ZBP1: variants seen among roughly 807,000 people sequenced by gnomAD.
ZBP1 encodes the protein Z-DNA-binding protein 1.
Under a neutral mutation model 41.1 loss-of-function variants are expected in ZBP1, and 42 were observed. The observed-to-expected ratio is 1.02, with a 90% CI of 0.80 to 1.32. ZBP1 has a LOEUF of 1.32. ZBP1 is among the 40% of genes most tolerant of loss of function. The pLI is 0.00. For missense variants in ZBP1, 562 were observed against 549.7 expected (o/e 1.02, Z -0.22); for synonymous variants, 214 against 205.2 (o/e 1.04, Z -0.37).
intron 1 of ZBP1, 60 bp from the exon 2 acceptor site, chr20:57,616,528 GC>G: frequency 6.3e-7 from 1 of 1,593,658 alleles, no homozygotes; most frequent in Non-Finnish European, 8.6e-7. Context: ...CCACAGTTGA[GC>G]CCAGGCTGGA....
At chr20:57,619,646 T>C (rs775326722) in intron 1 of ZBP1, among the ~76,000 whole-genome samples, 2 of 152,142 alleles carry the variant, frequency 1.3e-5, no homozygotes, top group Non-Finnish European at 2.9e-5. Flanking sequence ...GTTCAGACGC[T>C]AACACCAGCG....
chr20:57,620,101 G>T, intron 1 of ZBP1, 161 bp downstream of exon 1: 2 of 814,632 alleles, frequency 2.5e-6, no homozygotes, highest in Non-Finnish European at 4.0e-6. Context: ...CTCCCAAAGT[G>T]CTGGGATTAC....
Position 57,604,739 on chromosome 20 carries a change from C to T in ZBP1, c.1124G>A (p.Ser375Asn). The T allele has an allele frequency of 1.2e-6, 2 of 1,614,092 alleles. No homozygotes were observed. The highest frequency in any genetic ancestry group is 1.7e-6 in the Non-Finnish European group (2 of 1,179,994). ...CTGACCAATGTCTCGAGGAAAGTGACTTCTGGATTGTGTGTCTGCGGGACG... is the reference window on the plus strand; with the variant it reads ...CTGACCAATGTCTCGAGGAAAGTGATTTCTGGATTGTGTGTCTGCGGGACG... The part of the protein sequence containing the change: ...GRRPADTQSR[S>N]HFPRDIGQPI... Residue 375 changes from serine to asparagine, a missense_variant, in exon 8 of 8, where the codon AGT becomes AAT. Physicochemically the swap from Ser to Asn is conservative, Grantham distance 46. Transcript: ENST00000371173.
Position 57,610,071 on chromosome 20 carries a change from T to G in ZBP1, c.1093+78A>C. The G allele has an allele frequency of 1.2e-3, 1,644 of 1,416,474 alleles. No individual in the cohort carries two copies. The highest frequency in any genetic ancestry group is 1.5e-3 in the Non-Finnish European group (1,516 of 1,012,510). The allele number at this position is 1,416,474 out of a possible 1,614,324, so 87.7% of individuals were successfully genotyped here. A position where few individuals can be genotyped will look rare whatever the true frequency, so the allele number is the denominator to read the frequency against. The stretch of plus-strand genomic sequence containing the variant: ...AAACCAGAGATTAGCGAATGATCGA[T>G]GAGAGTGAATGAATGAATGAGTGGA... On this transcript the variant is annotated intron_variant, in intron 7 of 7. Coordinates refer to ENST00000371173, the MANE Select transcript of ZBP1 (RefSeq NM_030776.3). The surrounding 1 kb of genome is among the most constrained non-coding windows in gnomAD (Gnocchi z 5.5).
Position 57,610,510 on chromosome 20 carries a change from C to A in ZBP1, c.875-143G>T, listed in dbSNP as rs559761629. 1 of 762,878 alleles carries A rather than the reference C, an allele frequency of 1.3e-6. No homozygotes were observed. The highest frequency in any genetic ancestry group is 1.7e-5 in the African/African-American group (1 of 57,542). 47.3% of individuals were successfully genotyped at this position (762,878 alleles called of 1,614,324 possible). ...CCCAGGAGCACAGCCTGTGCCTGCCCGCCACACCTCCACCCGCCACACCTC... is the reference window on the plus strand; with the variant it reads ...CCCAGGAGCACAGCCTGTGCCTGCCAGCCACACCTCCACCCGCCACACCTC... On this transcript the variant is annotated intron_variant, in intron 6 of 7. Transcript: ENST00000371173. The surrounding 1 kb of genome is among the most constrained non-coding windows in gnomAD (Gnocchi z 5.5).
At chr20:57,620,080 A>G in intron 1 of ZBP1, 182 bp downstream of exon 1, 2 of 673,870 alleles carry the variant, frequency 3.0e-6, no homozygotes, top group Middle Eastern at 3.0e-4. Context: ...TAAACAGTCC[A>G]CCTACCTCGC....
rs774963938 is a variant in ZBP1 at position 57,615,005 on chromosome 20, G to A, written c.384C>T (p.Ile128=). The change falls in exon 4 of 8, where the codon ATC becomes ATT. Residue 128 remains isoleucine, a synonymous_variant. Coordinates refer to ENST00000371173, the MANE Select transcript of ZBP1 (RefSeq NM_030776.3). The stretch of plus-strand genomic sequence containing the variant: ...CTGTCCTCATTCCCAGTGCTTGGGC[G>A]ATGACCAGGGCCCTCTGGGGACCAT... ...KDNGPQRALV[I]AQALGMRTAK... The A allele has an allele frequency of 1.3e-5, 21 of 1,614,208 alleles. No homozygotes were observed. The South Asian group carries it at 1.6e-4, about 13-fold the overall frequency.
At position 57,614,515 on chromosome 20, in the gene ZBP1, C is replaced by T. The variant is rs550583496; in HGVS notation, c.502+372G>A. Among the ~76,000 whole-genome samples, 10 of 152,264 alleles carry T rather than the reference C, an allele frequency of 6.6e-5. No individual in the cohort carries two copies. In the East Asian group the frequency reaches 1.9e-3, roughly 29 times the overall value. On this transcript the variant is annotated intron_variant, in intron 4 of 7. Transcript: ENST00000371173. ...CCTGGGGCTCCAGCCGGTAGGGGTC[C>T]AAGACTAGTCTTGCCTTCTCTTCTG...
At chr20:57,607,047 C>A in intron 7 of ZBP1, 1 of 1,295,768 alleles carries the variant, frequency 7.7e-7, no homozygotes. Context: ...GGAGTAACTT[C>A]AACATTCACT....
chr20:57,620,082 C>T (rs6064575), intron 1 of ZBP1, 180 bp downstream of exon 1: 1 of 682,184 alleles, frequency 1.5e-6, no homozygotes, highest in South Asian at 1.7e-5. Flanking sequence ...AACAGTCCAC[C>T]TACCTCGCCT....
intron 4 of ZBP1, among the ~76,000 whole-genome samples, chr20:57,614,513 T>C (rs1035908596): frequency 2.6e-5 from 4 of 152,068 alleles, no homozygotes; most frequent in African/African-American, 9.7e-5. Flanking sequence ...CCGGTAGGGG[T>C]CCAAGACTAG....
At chr20:57,616,040 G>A (rs868789806) in intron 2 of ZBP1, 24 of 607,320 alleles carry the variant, frequency 4.0e-5, no homozygotes, top group African/African-American at 1.7e-4. Flanking sequence ...TGAGCCTGAC[G>A]CAGGGCCTCC....
chr20:57,614,830 A>C (rs939072633), intron 4 of ZBP1, 57 bp downstream of exon 4: 1 of 1,600,146 alleles, frequency 6.2e-7, no homozygotes, highest in African/African-American at 1.3e-5. Flanking sequence ...AGCAAAGACC[A>C]AGCACTAGTG....
rs763853056 is a variant in ZBP1 at position 57,615,579 on chromosome 20, G to A, written c.261C>T (p.Ala87=). 6.2e-7 allele frequency: 1 copy of A among 1,612,182 alleles called. No homozygotes were observed. The highest frequency in any genetic ancestry group is 1.1e-5 in the South Asian group (1 of 90,888). ...GPAELALSSP[A]ERPQQHAATI... ...TAGCTGCATGTTGCTGGGGCCTCTC[G>A]GCTGCAGAAAGAAAGATGGGTCAGA... Residue 87 remains alanine, a splice_region_variant and synonymous_variant, in exon 3 of 8, where the codon GCC becomes GCT. Coordinates refer to ENST00000371173, the MANE Select transcript of ZBP1 (RefSeq NM_030776.3).
chr20:57,613,461 C>T lies in ZBP1; in HGVS notation c.503-131G>A. ...CCTGGGCGTTCCGAGTCAGTAGGGC[C>T]AAGTGGGAGGCCAGAGCTGGGTGTT... is the stretch of plus-strand genomic sequence containing the variant. On this transcript the variant is annotated intron_variant, in intron 4 of 7. Transcript: ENST00000371173. The surrounding 1 kb of genome is among the most constrained non-coding windows in gnomAD (Gnocchi z 4.5). 1.0e-6 allele frequency: 1 copy of T among 958,304 alleles called. No individual in the cohort carries two copies. The highest frequency in any genetic ancestry group is 1.6e-6 in the Non-Finnish European group (1 of 629,972). The allele number at this position is 958,304 out of a possible 1,614,324, so 59.4% of individuals were successfully genotyped here.
chr20:57,604,271 A>G lies in ZBP1; in HGVS notation c.*302T>C. 1.9e-6 allele frequency: 1 copy of G among 531,580 alleles called. No individual in the cohort carries two copies. Among genetic ancestry groups the G allele is most frequent in the South Asian group, 1.6e-5 (1 of 61,556 alleles). 32.9% of individuals were successfully genotyped at this position (531,580 alleles called of 1,614,324 possible). On this transcript the variant is annotated 3_prime_UTR_variant, in exon 8 of 8. Coordinates refer to ENST00000371173, the MANE Select transcript of ZBP1 (RefSeq NM_030776.3). ...AACTCCAGGCAGATGCCCCGAGCCC[A>G]GGAAAGAGTGGAGAGAGTCCCCTGG...
At chr20:57,616,771 T>C (rs999651797) in intron 1 of ZBP1, 13 of 439,496 alleles carry the variant, frequency 3.0e-5, no homozygotes, top group Non-Finnish European at 4.7e-5. Context: ...GTTCCTCAGC[T>C]CTCAGGTGTC....
In ZBP1 at chr20:57,611,722, G is replaced by A. The variant is rs1568931675; in HGVS notation, c.874+5C>T. 2 of 1,605,674 alleles carry A rather than the reference G, an allele frequency of 1.2e-6. No homozygotes were observed. The highest frequency in any genetic ancestry group is 8.5e-7 in the Non-Finnish European group (1 of 1,177,036). ...AGTTGGGTCTGGCCTCTAGATCCCA[G>A]TTACCTGGGGGGCTGCCAGGGGGGA... On this transcript the variant is annotated splice_donor_5th_base_variant and intron_variant, in intron 6 of 7. Transcript: ENST00000371173.
Position 57,610,649 on chromosome 20 carries a change from T to G in ZBP1, c.875-282A>C, listed in dbSNP as rs2070639486. 1.9e-6 allele frequency: 1 copy of G among 516,492 alleles called. No individual in the cohort carries two copies. The highest frequency in any genetic ancestry group is 3.5e-6 in the Non-Finnish European group (1 of 285,612). The allele number at this position is 516,492 out of a possible 1,614,324, so 32.0% of individuals were successfully genotyped here. Reference sequence around the variant, plus strand: ...TGGACGTCAGTGTCTTCCTCTGGGATTCAGCTCCTCTCTCCTCTGCTGCCT... The same window carrying G: ...TGGACGTCAGTGTCTTCCTCTGGGAGTCAGCTCCTCTCTCCTCTGCTGCCT... On this transcript the variant is annotated intron_variant, in intron 6 of 7. Transcript: ENST00000371173. The surrounding 1 kb of genome is among the most constrained non-coding windows in gnomAD (Gnocchi z 5.5).
Sources: allele counts gnomAD v4.1 joint callset (sites outside exome capture counted in the v4.1 genomes callset), GRCh38; gene constraint gnomAD v4.1.1; non-coding constraint Gnocchi (gnomAD v3.1); transcripts MANE v1.5; gene names NCBI Gene and HGNC (gene_info 2026-07-23, HGNC 2026-07-21).